The following LRRC7 variants were observed in gnomAD, a reference collection of about 807,000 sequenced individuals.
LRRC7 encodes leucine rich repeat containing 7.
In LRRC7, 23 loss-of-function variants were observed where a neutral mutation model predicts 175.7. The ratio of observed to expected loss-of-function variants is 0.13; its 90% confidence interval spans 0.09 to 0.19. LRRC7 has a LOEUF of 0.19. Among genes scored for constraint, LRRC7 ranks in the 10% least tolerant of loss-of-function variants. LRRC7 has a pLI of 1.00. For synonymous variants in LRRC7, 685 were observed against 680.9 expected (o/e 1.01, Z -0.09); for missense variants, 1,354 against 1,904.7 (o/e 0.71, Z 5.38).
chr1:69,717,566 A>G (rs890811892), intron 2 of LRRC7, among the ~76,000 whole-genome samples: 1 of 151,684 alleles, frequency 6.6e-6, no homozygotes, highest in South Asian at 2.1e-4. Context: ...ATTGCCATAA[A>G]GTGGCACACG....
intron 4 of LRRC7, among the ~76,000 whole-genome samples, chr1:69,814,504 T>C (rs1678349243): frequency 6.6e-6 from 1 of 152,176 alleles, no homozygotes; most frequent in Non-Finnish European, 1.5e-5. Context: ...TATCATCAAA[T>C]ACTCAGAATA....
chr1:69,738,626 G>T (rs1339963583), intron 2 of LRRC7, among the ~76,000 whole-genome samples: 1 of 151,936 alleles, frequency 6.6e-6, no homozygotes, highest in Non-Finnish European at 1.5e-5. Flanking sequence ...TAGGGAGACT[G>T]AATAATACCC....
intron 1 of LRRC7, among the ~76,000 whole-genome samples, chr1:69,635,116 C>T (rs1653119053): frequency 6.6e-6 from 1 of 151,946 alleles, no homozygotes; most frequent in Non-Finnish European, 1.5e-5. Flanking sequence ...GCGTTTGTTC[C>T]CCTCTATGTG....
At chr1:69,770,385 G>A (rs1239976183) in intron 3 of LRRC7, among the ~76,000 whole-genome samples, 1 of 152,102 alleles carries the variant, frequency 6.6e-6, no homozygotes, top group Admixed American at 6.6e-5. Context: ...TGAAAACAAG[G>A]ACACTTATTT....
At chr1:70,021,337 T>A in intron 16 of LRRC7, 1 of 406,220 alleles carries the variant, frequency 2.5e-6, no homozygotes, top group Non-Finnish European at 4.6e-6. Flanking sequence ...AAATTTGAAA[T>A]GCCACTTCAT....
chr1:70,032,156 T>C (rs1658814049), intron 18 of LRRC7, among the ~76,000 whole-genome samples: 1 of 152,234 alleles, frequency 6.6e-6, no homozygotes. Flanking sequence ...TACCTCAAGC[T>C]AGCCATTTGC....
intron 26 of LRRC7, among the ~76,000 whole-genome samples, chr1:70,110,707 A>G (rs531347419): frequency 6.6e-6 from 1 of 152,222 alleles, no homozygotes; most frequent in African/African-American, 2.4e-5. Flanking sequence ...ATCAAAGCCC[A>G]TTTTCAATAA....
Position 70,039,237 on chromosome 1 carries a change from A to C in LRRC7, c.3413A>C (p.Asn1138Thr). The C allele has an allele frequency of 6.2e-7, 1 of 1,613,766 alleles. No individual in the cohort carries two copies. Among genetic ancestry groups the C allele is most frequent in the Non-Finnish European group, 8.5e-7 (1 of 1,179,988 alleles). The change falls in exon 21 of 27, where the codon AAT (asparagine) becomes ACT (threonine). Residue 1138 changes from asparagine to threonine, a missense_variant. Physicochemically the swap from Asn to Thr is moderately conservative, Grantham distance 65. Transcript: ENST00000651989. Reference sequence around the variant, plus strand: ...TCTGTGAATGAGGATGCTGTGGTGAATGCCCAGTTCGCAAGCCAAGGGGCC... The same window carrying C: ...TCTGTGAATGAGGATGCTGTGGTGACTGCCCAGTTCGCAAGCCAAGGGGCC... Reference protein sequence around the residue: ...QPSVNEDAVVNAQFASQGARA... With the variant: ...QPSVNEDAVVTAQFASQGARA...
chr1:69,602,688 G>A (rs1182720452), intron 1 of LRRC7, among the ~76,000 whole-genome samples: 3 of 152,036 alleles, frequency 2.0e-5, no homozygotes, highest in Non-Finnish European at 4.4e-5. Context: ...TTGAAGCTCC[G>A]AGAATCAATC....
intron 3 of LRRC7, among the ~76,000 whole-genome samples, chr1:69,787,707 A>G (rs1674642867): frequency 6.6e-6 from 1 of 152,142 alleles, no homozygotes; most frequent in African/African-American, 2.4e-5. Flanking sequence ...GGTCTCCGAC[A>G]TGCCCTGAAG....
At chr1:69,987,571 A>C (rs889642045) in intron 10 of LRRC7, among the ~76,000 whole-genome samples, 1 of 152,154 alleles carries the variant, frequency 6.6e-6, no homozygotes, top group African/African-American at 2.4e-5. Flanking sequence ...TTCCACAGTG[A>C]ATTTTCTGTT....
At chr1:69,801,172 T>C (rs1433691214) in intron 4 of LRRC7, among the ~76,000 whole-genome samples, 1 of 151,798 alleles carries the variant, frequency 6.6e-6, no homozygotes, top group African/African-American at 2.4e-5. Flanking sequence ...GATATTGATC[T>C]ATAGTTTTAT....
intron 1 of LRRC7, among the ~76,000 whole-genome samples, chr1:69,572,113 G>T (rs1645762538): frequency 1.3e-5 from 2 of 152,026 alleles, no homozygotes; most frequent in African/African-American, 4.8e-5. Flanking sequence ...TTTAGTTTAT[G>T]ACAAGCCGAG....
chr1:70,098,920 G>T (rs1011548886), intron 25 of LRRC7, among the ~76,000 whole-genome samples: 1 of 152,090 alleles, frequency 6.6e-6, no homozygotes, highest in African/African-American at 2.4e-5. Flanking sequence ...CATTCCTTCT[G>T]AAACTATTCC....
At chr1:69,730,754 T>C (rs1667481810) in intron 2 of LRRC7, among the ~76,000 whole-genome samples, 1 of 152,170 alleles carries the variant, frequency 6.6e-6, no homozygotes, top group African/African-American at 2.4e-5. Flanking sequence ...AGCTTCCACA[T>C]TTTCAGCTAT....
chr1:69,997,471 C>G (rs1433006772), intron 11 of LRRC7, among the ~76,000 whole-genome samples: 2 of 151,674 alleles, frequency 1.3e-5, no homozygotes, highest in Non-Finnish European at 2.9e-5. Flanking sequence ...GCATCCCTGT[C>G]TTGTGCCAGT....
chr1:69,968,558 C>CTGTGTGGCAGT (rs1461652638), intron 8 of LRRC7, among the ~76,000 whole-genome samples: 6 of 152,236 alleles, frequency 3.9e-5, no homozygotes, highest in Admixed American at 6.5e-5. Flanking sequence ...GGCAAAAACA[C>CTGTGTGGCAGT]CAGGTAACCT....
At position 70,138,559 on chromosome 1, in the gene LRRC7, T is replaced by C. The variant is rs1172656581; in HGVS notation, c.*16672T>C. On this transcript the variant is annotated 3_prime_UTR_variant, in exon 27 of 27. Coordinates refer to ENST00000651989, the MANE Select transcript of LRRC7 (RefSeq NM_001370785.2). ...TATTAACTCTTTAAGGTACATGATA[T>C]AGCAAATAATCATTTGTACAACCTC... 6.6e-6 allele frequency: 1 copy of C among 152,216 alleles called. No individual in the cohort carries two copies. The highest frequency in any genetic ancestry group is 6.5e-5 in the Admixed American group (1 of 15,268). 9.4% of individuals were successfully genotyped at this position (152,216 alleles called of 1,614,324 possible).
intron 3 of LRRC7, among the ~76,000 whole-genome samples, chr1:69,788,855 G>T (rs1242851318): frequency 6.6e-6 from 1 of 152,040 alleles, no homozygotes; most frequent in African/African-American, 2.4e-5. Flanking sequence ...TTAAACATCT[G>T]AATAATAAAG....
Sources: gnomAD v4.1 joint callset for allele counts (sites outside exome capture counted in the v4.1 genomes callset) on GRCh38, gnomAD v4.1.1 for gene constraint, MANE v1.5 for transcripts, NCBI Gene and HGNC (gene_info 2026-07-23, HGNC 2026-07-21) for gene names.